USF3: variants seen among roughly 807,000 people sequenced by gnomAD.
USF3 encodes basic helix-loop-helix domain-containing protein USF3.
In USF3, 29 loss-of-function variants were observed where a neutral mutation model predicts 157.5. The ratio of observed to expected loss-of-function variants is 0.18; its 90% confidence interval spans 0.14 to 0.25. USF3 has a LOEUF of 0.25. Among genes scored for constraint, USF3 ranks in the 10% least tolerant of loss-of-function variants. The probability of loss-of-function intolerance (pLI) is 1.00; values close to 1 mark genes in which losing one functional copy is unlikely to be tolerated. For missense variants in USF3, 2,381 were observed against 2,667.6 expected, an observed-to-expected ratio of 0.89 and a Z score of 2.37; for synonymous variants, 893 against 941.4, an observed-to-expected ratio of 0.95 and a Z score of 0.94.
In USF3 at chr3:113,657,011, G is replaced by A. The variant is rs866062509; in HGVS notation, c.4671C>T (p.Pro1557=). Residue 1557 remains proline, a synonymous_variant, in exon 7 of 7, where the codon CCC becomes CCT. Coordinates refer to ENST00000316407, the MANE Select transcript of USF3 (RefSeq NM_001009899.4). The part of the protein sequence containing the change: ...QSRSKTGQPH[P]HHQQMQQQMQ... ...TTTGTTGCTGCATCTGCTGATGGTG[G>A]GGATGTGGCTGGCCAGTCTTGGATC... 1.9e-6 allele frequency: 3 copies of A among 1,614,156 alleles called. No individual in the cohort carries two copies. Among genetic ancestry groups the A allele is most frequent in the Non-Finnish European group, 2.5e-6 (3 of 1,180,038 alleles).
chr3:113,657,625 T>C lies in USF3; in HGVS notation c.4057A>G (p.Arg1353Gly). Residue 1353 changes from arginine (R) to glycine (G), a missense_variant, in exon 7 of 7, where the codon AGG (arginine) becomes GGG (glycine). Coordinates refer to ENST00000316407, the MANE Select transcript of USF3 (RefSeq NM_001009899.4). ...RQKHCQPAPL[R>G]LESMSLMSRT... ...CTCATCAGGGACATACTTTCAAGCC[T>C]GAGGGGGGCTGGCTGACAGTGCTTT... is the stretch of plus-strand genomic sequence containing the variant. The C allele has an allele frequency of 6.2e-7, 1 of 1,614,164 alleles. No individual in the cohort carries two copies. Among genetic ancestry groups the C allele is most frequent in the Non-Finnish European group, 8.5e-7 (1 of 1,180,036 alleles).
Position 113,649,698 on chromosome 3 carries a change from G to A in USF3, c.*5246C>T. ...TCCAACAGCTGGTCTAAAGACCAGA[G>A]GCACAGTTTCAGGTAAAGTGCAGGA... On this transcript the variant is annotated 3_prime_UTR_variant, in exon 7 of 7. Coordinates refer to ENST00000316407, the MANE Select transcript of USF3 (RefSeq NM_001009899.4). 1.6e-6 allele frequency: 1 copy of A among 620,724 alleles called. No homozygotes were observed. Among genetic ancestry groups the A allele is most frequent in the East Asian group, 2.8e-5 (1 of 36,120 alleles). 38.5% of individuals were successfully genotyped at this position (620,724 alleles called of 1,614,324 possible). A position where few individuals can be genotyped will look rare whatever the true frequency, so the allele number is the denominator to read the frequency against.
Position 113,674,989 on chromosome 3 carries a change from G to A in USF3, c.-18-93C>T. 4 of 767,814 alleles carry A rather than the reference G, an allele frequency of 5.2e-6. No individual in the cohort carries two copies. In the South Asian group the frequency reaches 5.7e-5, roughly 11 times the overall value. The allele number at this position is 767,814 out of a possible 1,614,324, so 47.6% of individuals were successfully genotyped here. On this transcript the variant is annotated intron_variant, in intron 2 of 6. Coordinates refer to ENST00000316407, the MANE Select transcript of USF3 (RefSeq NM_001009899.4). ...AGCAATTTGATTTGAATATTAAAATGCTAAAAAATAAAATTGACATTGAAA... is the reference window on the plus strand; with the variant it reads ...AGCAATTTGATTTGAATATTAAAATACTAAAAAATAAAATTGACATTGAAA...
chr3:113,675,934 C>G (rs1053152964), intron 2 of USF3, among the ~76,000 whole-genome samples: 2 of 152,236 alleles, frequency 1.3e-5, no homozygotes, highest in Non-Finnish European at 2.9e-5. Flanking sequence ...AGTCTCTTCA[C>G]TAAAGCATAG....
chr3:113,665,240 G>A (rs931098800), intron 5 of USF3, among the ~76,000 whole-genome samples: 2 of 152,222 alleles, frequency 1.3e-5, no homozygotes, highest in Admixed American at 6.5e-5. Flanking sequence ...TGGAGGAATG[G>A]TAAGGAGGTG....
rs1947216337 is a variant in USF3 at position 113,649,121 on chromosome 3, A to C, written c.*5823T>G. 1 of 152,470 alleles carries C rather than the reference A, an allele frequency of 6.6e-6. No individual in the cohort carries two copies. Among genetic ancestry groups the C allele is most frequent in the Admixed American group, 6.5e-5 (1 of 15,282 alleles). The allele number at this position is 152,470 out of a possible 1,614,324, so 9.4% of individuals were successfully genotyped here. A position where few individuals can be genotyped will look rare whatever the true frequency, so the allele number is the denominator to read the frequency against. On this transcript the variant is annotated 3_prime_UTR_variant, in exon 7 of 7. Coordinates refer to ENST00000316407, the MANE Select transcript of USF3 (RefSeq NM_001009899.4). ...TGGGAGCACAGAGAAGTCTTAGAAAAGTGAAGGGATTTAGATACATCTAAC... is the reference window on the plus strand; with the variant it reads ...TGGGAGCACAGAGAAGTCTTAGAAACGTGAAGGGATTTAGATACATCTAAC...
intron 1 of USF3, among the ~76,000 whole-genome samples, chr3:113,683,134 G>A (rs1161581761): frequency 6.6e-6 from 1 of 151,576 alleles, no homozygotes; most frequent in Non-Finnish European, 1.5e-5. Flanking sequence ...TTTCTGACCT[G>A]AGGTTACCAT....
intron 1 of USF3, 145 bp downstream of exon 1, chr3:113,696,225 G>T (rs1196029529): frequency 2.0e-5 from 3 of 152,576 alleles, no homozygotes; most frequent in Non-Finnish European, 4.4e-5. Context: ...CCAGGAAGGA[G>T]GCGCACTTAG....
In USF3 at chr3:113,659,149, G is replaced by C; in HGVS notation, c.2533C>G (p.Pro845Ala). The C allele has an allele frequency of 1.2e-6, 2 of 1,614,150 alleles. No individual in the cohort carries two copies. Among genetic ancestry groups the C allele is most frequent in the Non-Finnish European group, 1.7e-6 (2 of 1,180,038 alleles). The change falls in exon 7 of 7, where the codon CCT becomes GCT. Residue 845 changes from proline (P) to alanine (A), a missense_variant. Coordinates refer to ENST00000316407, the MANE Select transcript of USF3 (RefSeq NM_001009899.4). ...PCNDGLLESF[P>A]AVLPSVSVSQ... The stretch of plus-strand genomic sequence containing the variant: ...ACAGAGACAGATGGTAACACAGCAG[G>C]GAAGCTTTCTAGCAGTCCATCATTA...
Position 113,656,844 on chromosome 3 carries a change from C to A in USF3, c.4838G>T (p.Gly1613Val). ...TACATGTTCAGATGAAACCCCTGAACCTTGCTGTCTGCTTCCAACATCCTG... is the reference window on the plus strand; with the variant it reads ...TACATGTTCAGATGAAACCCCTGAAACTTGCTGTCTGCTTCCAACATCCTG... The part of the protein sequence containing the change: ...QQQDVGSRQQ[G>V]SGVSSEHVSG... The change falls in exon 7 of 7, where the codon GGT (glycine) becomes GTT (valine). Residue 1613 changes from glycine to valine, a missense_variant. Coordinates refer to ENST00000316407, the MANE Select transcript of USF3 (RefSeq NM_001009899.4). 1 of 1,614,188 alleles carries A rather than the reference C, an allele frequency of 6.2e-7. No individual in the cohort carries two copies. The highest frequency in any genetic ancestry group is 1.1e-5 in the South Asian group (1 of 91,082).
intron 1 of USF3, among the ~76,000 whole-genome samples, chr3:113,686,569 G>A (rs539700240): frequency 1.3e-5 from 2 of 152,284 alleles, no homozygotes; most frequent in East Asian, 3.9e-4. Context: ...TATTACAGGT[G>A]GAAGGCACTG....
rs756126359 is a variant in USF3, at chr3:113,655,941, T to C, written c.5741A>G (p.Asn1914Ser). ...GGGATTGGATTTCTGTACAGAAACA[T>C]TGGGGCTTGTGTTTCGACCTTGAAT... ...GDIQGRNTSP[N>S]VSVQKSNPMR... The change falls in exon 7 of 7, where the codon AAT becomes AGT. Residue 1914 changes from asparagine (N) to serine (S), a missense_variant. Around this residue, in one of 6 missense-constraint regions of USF3, gnomAD observed 770 missense variants for 824.2 expected, o/e 0.93. Coordinates refer to ENST00000316407, the MANE Select transcript of USF3 (RefSeq NM_001009899.4). 6.2e-5 allele frequency: 100 copies of C among 1,614,018 alleles called. No homozygotes were observed. The highest frequency in any genetic ancestry group is 2.2e-4 in the South Asian group (20 of 91,078).
rs773726881 is a variant in USF3, at chr3:113,656,942, T to C, written c.4740A>G (p.Glu1580=). 2.3e-5 allele frequency: 37 copies of C among 1,614,094 alleles called. No individual in the cohort carries two copies. Residue 1580 remains glutamate, a synonymous_variant, in exon 7 of 7, where the codon GAA becomes GAG. Transcript: ENST00000316407. ...GATGGTTCCGACTAGTTGAAGGGTT[T>C]TCACAGCTCTTCTCTGTCTGGGAGC... The part of the protein sequence containing the change: ...FGSSQTEKSC[E]NPSTSRNHHN...
rs776056618 is a variant in USF3 at position 113,673,345 on chromosome 3, T to C, written c.76+3A>G. ...TAACAGGTAAAATTTAAATTGTTTCTACCTGCATTGTGTGTCTCCCGGTTT... is the reference window on the plus strand; with the variant it reads ...TAACAGGTAAAATTTAAATTGTTTCCACCTGCATTGTGTGTCTCCCGGTTT... On this transcript the variant is annotated splice_donor_region_variant and intron_variant, in intron 4 of 6. Coordinates refer to ENST00000316407, the MANE Select transcript of USF3 (RefSeq NM_001009899.4). 37 of 1,600,544 alleles carry C rather than the reference T, an allele frequency of 2.3e-5. No individual in the cohort carries two copies. Among genetic ancestry groups the C allele is most frequent in the Non-Finnish European group, 3.0e-5 (35 of 1,170,228 alleles).
intron 5 of USF3, among the ~76,000 whole-genome samples, chr3:113,665,687 G>C (rs1240134311): frequency 6.6e-6 from 1 of 151,978 alleles, no homozygotes; most frequent in Non-Finnish European, 1.5e-5. Flanking sequence ...AATTAGCCAG[G>C]CATGGTGGCG....
intron 1 of USF3, among the ~76,000 whole-genome samples, chr3:113,687,379 T>G (rs1707581912): frequency 6.6e-6 from 1 of 152,188 alleles, no homozygotes; most frequent in African/African-American, 2.4e-5. Context: ...TTTTTGTCCC[T>G]TTCATTGGAG....
rs376434827 is a variant in USF3, at chr3:113,659,340, A to G, written c.2342T>C (p.Met781Thr). 2.8e-5 allele frequency: 45 copies of G among 1,614,124 alleles called. No individual in the cohort carries two copies. Among genetic ancestry groups the G allele is most frequent in the Non-Finnish European group, 3.7e-5 (44 of 1,180,040 alleles). ...GTTAGGCAAACAAGCAACAGTGTTCATTGAGGAAGTACTCACTAGATTATA... is the reference window on the plus strand; with the variant it reads ...GTTAGGCAAACAAGCAACAGTGTTCGTTGAGGAAGTACTCACTAGATTATA... ...STYNLVSTSS[M>T]NTVACLPNMK... The change falls in exon 7 of 7, where the codon ATG (methionine) becomes ACG (threonine). Residue 781 changes from methionine (M) to threonine (T), a missense_variant. By Grantham distance (81) the Met-to-Thr change is moderately conservative. Transcript: ENST00000316407.
chr3:113,655,078 G>A lies in USF3; in HGVS notation c.6604C>T (p.Pro2202Ser). 1 of 1,614,240 alleles carries A rather than the reference G, an allele frequency of 6.2e-7. No individual in the cohort carries two copies. Residue 2202 changes from proline to serine, a missense_variant, in exon 7 of 7, where the codon CCT (proline) becomes TCT (serine). Around this residue, in one of 6 missense-constraint regions of USF3, gnomAD observed 770 missense variants for 824.2 expected, o/e 0.93. Transcript: ENST00000316407. ...SLFPEIATAL[P>S]DGSAMSPLLT... ...AAAGGTGACATTGCTGAGCCATCAGGAAGCGCTGTGGCTATTTCTGGAAAC... is the reference window on the plus strand; with the variant it reads ...AAAGGTGACATTGCTGAGCCATCAGAAAGCGCTGTGGCTATTTCTGGAAAC...
rs1947258183 is a variant in USF3, at chr3:113,651,383, G to C, written c.*3561C>G. 6.6e-6 allele frequency: 1 copy of C among 152,182 alleles called. No homozygotes were observed. Among genetic ancestry groups the C allele is most frequent in the Non-Finnish European group, 1.5e-5 (1 of 68,046 alleles). 9.4% of individuals were successfully genotyped at this position (152,182 alleles called of 1,614,324 possible). ...TTGGGAATCACTGATTTGGGAGTAT[G>C]ACTTACCACCACATGCTGATCCATA... On this transcript the variant is annotated 3_prime_UTR_variant, in exon 7 of 7. Coordinates refer to ENST00000316407, the MANE Select transcript of USF3 (RefSeq NM_001009899.4).
Sources: allele counts gnomAD v4.1 joint callset (sites outside exome capture counted in the v4.1 genomes callset), GRCh38; gene constraint gnomAD v4.1.1; regional missense constraint gnomAD v4.1.1; transcripts MANE v1.5; gene names NCBI Gene and HGNC (gene_info 2026-07-23, HGNC 2026-07-21).